Variants in EIF4E2 observed in about 807,000 individuals in gnomAD.
The protein encoded by EIF4E2 is eukaryotic translation initiation factor 4E family member 2.
A neutral mutation model predicts 34.2 loss-of-function variants in EIF4E2; 13 were observed. The ratio of observed to expected loss-of-function variants is 0.38; its 90% CI spans 0.25 to 0.60. The LOEUF (loss-of-function observed/expected upper bound fraction) is 0.60. EIF4E2 is among the 20% of genes least tolerant of loss of function. The pLI is 0.62. For missense variants in EIF4E2, 222 were observed against 315.1 expected, an observed-to-expected ratio of 0.70 and a Z score of 2.24; for synonymous variants, 100 against 106.6, an observed-to-expected ratio of 0.94 and a Z score of 0.38.
At chr2:232,564,882 T>G (rs561892832) in intron 4 of EIF4E2, among the ~76,000 whole-genome samples, 1 of 152,254 alleles carries the variant, frequency 6.6e-6, no homozygotes, top group Non-Finnish European at 1.5e-5. Context: ...TTTTAAAGAC[T>G]GTTTTATGAC....
downstream of EIF4E2, among the ~76,000 whole-genome samples, chr2:232,570,833 A>C (rs1456423301): frequency 6.6e-6 from 1 of 152,158 alleles, no homozygotes; most frequent in Non-Finnish European, 1.5e-5. Context: ...CTGCTCGGGG[A>C]GGCTGAGGCA....
In EIF4E2 at chr2:232,567,337, T is replaced by C. The variant is rs1030103516; in HGVS notation, c.665+123T>C. On this transcript the variant is annotated intron_variant, in intron 6 of 6. Coordinates refer to ENST00000258416, the MANE Select transcript of EIF4E2 (RefSeq NM_004846.4). ...TTGTGGAGAAGGGACAGACCAGGCC[T>C]TCCCTCTAGGGCTTCTGGCTACTTG... is the stretch of plus-strand genomic sequence containing the variant. The C allele has an allele frequency of 6.6e-6, 10 of 1,512,054 alleles. No individual in the cohort carries two copies. The Admixed American group carries it at 1.1e-4, about 17-fold the overall frequency. 93.7% of individuals were successfully genotyped at this position (1,512,054 alleles called of 1,614,324 possible). A position where few individuals can be genotyped will look rare whatever the true frequency, so the allele number is the denominator to read the frequency against.
intron 3 of EIF4E2, 133 bp from the exon 4 acceptor site, chr2:232,564,114 G>A (rs1317093124): frequency 4.3e-6 from 2 of 462,420 alleles, no homozygotes; most frequent in African/African-American, 4.1e-5. Flanking sequence ...ACATGAAAAT[G>A]AGTCCTCTGA....
intron 3 of EIF4E2, among the ~76,000 whole-genome samples, chr2:232,559,437 G>GCAAA (rs1553582383): frequency 8.4e-6 from 1 of 119,094 alleles, no homozygotes; most frequent in African/African-American, 3.1e-5. Flanking sequence ...GCTTTGGTTT[G>GCAAA]AAAAAAATAA....
At chr2:232,572,839 G>A (rs1693125082), downstream of EIF4E2, among the ~76,000 whole-genome samples, 1 of 152,160 alleles carries the variant, frequency 6.6e-6, no homozygotes, top group Non-Finnish European at 1.5e-5. Flanking sequence ...GTGTAAGGAT[G>A]GCCCTTCCTG....
chr2:232,552,233 A>G (rs1359837463), intron 1 of EIF4E2, among the ~76,000 whole-genome samples: 1 of 152,030 alleles, frequency 6.6e-6, no homozygotes, highest in Non-Finnish European at 1.5e-5. Context: ...ATTTTTTGAG[A>G]CAGGGTCTCG....
intron 6 of EIF4E2, among the ~76,000 whole-genome samples, chr2:232,575,749 G>A (rs1008970544): frequency 3.3e-5 from 5 of 152,182 alleles, no homozygotes; most frequent in Non-Finnish European, 7.3e-5. Flanking sequence ...CTAAAAAATA[G>A]TAAATATTTG....
intron 6 of EIF4E2, 66 bp from the exon 7 acceptor site, chr2:232,568,879 G>A (rs1318689037): frequency 2.5e-6 from 4 of 1,605,972 alleles, no homozygotes; most frequent in Admixed American, 1.7e-5. Context: ...AGACCCAGAT[G>A]CTACTTTCCC....
downstream of EIF4E2, chr2:232,573,951 G>C: frequency 1.9e-6 from 1 of 529,194 alleles, no homozygotes; most frequent in Non-Finnish European, 3.6e-6. Context: ...TGACAGTTGA[G>C]CATCAGCTCT....
intron 6 of EIF4E2, among the ~76,000 whole-genome samples, chr2:232,579,157 CA>C (rs1693287743): frequency 2.1e-5 from 3 of 144,014 alleles, no homozygotes; most frequent in Non-Finnish European, 4.4e-5. Context: ...CACACACACA[CA>C]CACACACACC....
chr2:232,570,051 A>AT (rs531421735), downstream of EIF4E2, among the ~76,000 whole-genome samples: 140 of 152,122 alleles, frequency 9.2e-4, no homozygotes, highest in Non-Finnish European at 1.5e-3. Flanking sequence ...ATAAACAATC[A>AT]TTTTTTTGCA....
At chr2:232,558,258 G>T (rs946374980) in intron 3 of EIF4E2, 2 of 373,566 alleles carry the variant, frequency 5.4e-6, no homozygotes, top group Middle Eastern at 7.2e-4. Flanking sequence ...TAATACAAAA[G>T]AACAGATTTG....
intron 1 of EIF4E2, chr2:232,551,128 A>G (rs1289714850): frequency 7.1e-6 from 4 of 567,082 alleles, no homozygotes; most frequent in African/African-American, 3.7e-5. Context: ...CTTTCCCCAC[A>G]CACTCCCTCT....
chr2:232,564,217 G>A lies in EIF4E2; in HGVS notation c.271-30G>A, dbSNP rs1656397. On this transcript the variant is annotated intron_variant, in intron 3 of 6. Transcript: ENST00000258416. ...ATTCAAAGAAAAGTAAAAGACACATGTTTTTTACTCTGGGGTCTTCTCTCT... is the reference window on the plus strand; with the variant it reads ...ATTCAAAGAAAAGTAAAAGACACATATTTTTTACTCTGGGGTCTTCTCTCT... 2.7e-6 allele frequency: 4 copies of A among 1,485,866 alleles called. No individual in the cohort carries two copies. The East Asian group carries it at 9.5e-5, about 35-fold the overall frequency. The allele number at this position is 1,485,866 out of a possible 1,614,324, so 92.0% of individuals were successfully genotyped here.
At chr2:232,556,966 G>A (rs1008672590) in intron 2 of EIF4E2, among the ~76,000 whole-genome samples, 1 of 152,214 alleles carries the variant, frequency 6.6e-6, no homozygotes, top group African/African-American at 2.4e-5. Flanking sequence ...ATCAAAGCAG[G>A]CTGGGTGCCA....
At chr2:232,577,549 C>T (rs1240018924) in intron 6 of EIF4E2, among the ~76,000 whole-genome samples, 1 of 152,144 alleles carries the variant, frequency 6.6e-6, no homozygotes, top group Non-Finnish European at 1.5e-5. Flanking sequence ...TTGTCCATTT[C>T]TCTAAAAGTA....
At chr2:232,560,636 T>A (rs533504389) in intron 3 of EIF4E2, among the ~76,000 whole-genome samples, 2 of 152,236 alleles carry the variant, frequency 1.3e-5, no homozygotes, top group Admixed American at 1.3e-4. Context: ...AATTCAAAAC[T>A]TTTCTGCTTC....
In EIF4E2 at chr2:232,564,487, T is replaced by C. The variant is rs995764104; in HGVS notation, c.375+136T>C. ...TTTTATTTGAGACGGAGTGTCGCTC[T>C]GTCACCCAGGCTGAGCGCAGTGGCG... On this transcript the variant is annotated intron_variant, in intron 4 of 6. Transcript: ENST00000258416. 7.6e-6 allele frequency: 4 copies of C among 529,756 alleles called. No homozygotes were observed. The African/African-American group carries it at 7.9e-5, about 10-fold the overall frequency. 32.8% of individuals were successfully genotyped at this position (529,756 alleles called of 1,614,324 possible). A position where few individuals can be genotyped will look rare whatever the true frequency, so the allele number is the denominator to read the frequency against.
chr2:232,573,975 T>G, downstream of EIF4E2: 1 of 607,784 alleles, frequency 1.6e-6, no homozygotes, highest in South Asian at 1.6e-5. Flanking sequence ...CTTACTGGCC[T>G]CCCCTGGAGC....
Sources: gnomAD v4.1 joint callset for allele counts (sites outside exome capture counted in the v4.1 genomes callset) on GRCh38, gnomAD v4.1.1 for gene constraint, MANE v1.5 for transcripts, NCBI Gene and HGNC (gene_info 2026-07-23, HGNC 2026-07-21) for gene names.